The following CREB3L2 variants were observed in gnomAD, a reference collection of about 807,000 sequenced individuals.
CREB3L2 encodes the protein cyclic AMP-responsive element-binding protein 3-like protein 2.
CREB3L2 carries 23 observed loss-of-function variants against 57.2 expected under a neutral mutation model. The observed-to-expected ratio is 0.40, with a 90% confidence interval of 0.29 to 0.57. The LOEUF (loss-of-function observed/expected upper bound fraction) is 0.57, where lower values mean the gene tolerates loss of function less well. CREB3L2 is among the 20% of genes least tolerant of loss of function. CREB3L2 has a pLI of 0.42. For missense variants in CREB3L2, 628 were observed against 634.7 expected (o/e 0.99, Z 0.11); for synonymous variants, 268 against 265.1 (o/e 1.01, Z -0.11).
intron 1 of CREB3L2, among the ~76,000 whole-genome samples, chr7:138,000,020 T>G (rs1425270389): frequency 2.0e-5 from 3 of 152,112 alleles, no homozygotes; most frequent in Non-Finnish European, 4.4e-5. Flanking sequence ...ACGGGTAGCA[T>G]CTCGCACCTT....
At chr7:137,955,584 A>T (rs1475928992) in intron 1 of CREB3L2, among the ~76,000 whole-genome samples, 2 of 152,132 alleles carry the variant, frequency 1.3e-5, no homozygotes, top group East Asian at 3.8e-4. Context: ...TTTAACAGGC[A>T]CCCCTGAAAT....
At chr7:137,907,040 G>A (rs901242421) in intron 5 of CREB3L2, among the ~76,000 whole-genome samples, 2 of 152,204 alleles carry the variant, frequency 1.3e-5, no homozygotes, top group Admixed American at 1.3e-4. Flanking sequence ...TGAGTTGTGT[G>A]ATCAGGAAAC....
chr7:137,894,319 T>C (rs887352466), intron 8 of CREB3L2, among the ~76,000 whole-genome samples: 13 of 152,326 alleles, frequency 8.5e-5, no homozygotes, highest in South Asian at 6.2e-4. Flanking sequence ...GGAGAACTGA[T>C]ACATATATGC....
rs1799173232 is a variant in CREB3L2, at chr7:137,877,180, A to G, written c.*3296T>C. ...ACAAGCTGAACCAAGAGATTTAGGAAGAAAAAAAAAAACATGGTAATTATA... is the reference window on the plus strand; with the variant it reads ...ACAAGCTGAACCAAGAGATTTAGGAGGAAAAAAAAAAACATGGTAATTATA... On this transcript the variant is annotated 3_prime_UTR_variant, in exon 12 of 12. Transcript: ENST00000330387. The G allele has an allele frequency of 4.4e-6, 1 of 228,672 alleles. No homozygotes were observed. Among genetic ancestry groups the G allele is most frequent in the African/African-American group, 2.2e-5 (1 of 45,110 alleles). The allele number at this position is 228,672 out of a possible 1,614,324, so 14.2% of individuals were successfully genotyped here. A position where few individuals can be genotyped will look rare whatever the true frequency, so the allele number is the denominator to read the frequency against.
At chr7:137,996,356 A>G (rs1801988481) in intron 1 of CREB3L2, among the ~76,000 whole-genome samples, 1 of 152,220 alleles carries the variant, frequency 6.6e-6, no homozygotes, top group African/African-American at 2.4e-5. Context: ...AGGGGCGAGA[A>G]TGTTGAAAGG....
rs1799930152 is a variant in CREB3L2, at chr7:137,908,234, T to A, written c.768+18A>T. 4.0e-6 allele frequency: 5 copies of A among 1,253,926 alleles called. No homozygotes were observed. The highest frequency in any genetic ancestry group is 5.1e-6 in the Non-Finnish European group (5 of 990,090). The allele number at this position is 1,253,926 out of a possible 1,614,324, so 77.7% of individuals were successfully genotyped here. A position where few individuals can be genotyped will look rare whatever the true frequency, so the allele number is the denominator to read the frequency against. ...GAGAGGGTTCCCTTTGGTCCAGGAA[T>A]GCCCGCTGCATACTTACATGAGGAG... On this transcript the variant is annotated intron_variant, in intron 5 of 11. Coordinates refer to ENST00000330387, the MANE Select transcript of CREB3L2 (RefSeq NM_194071.4).
chr7:137,890,583 A>AT (rs1799511131), intron 8 of CREB3L2, among the ~76,000 whole-genome samples: 1 of 152,222 alleles, frequency 6.6e-6, no homozygotes, highest in Non-Finnish European at 1.5e-5. Flanking sequence ...AGCTCATGGA[A>AT]TAATGAGAAA....
intron 1 of CREB3L2, among the ~76,000 whole-genome samples, chr7:137,952,510 T>G (rs919975494): frequency 1.3e-5 from 2 of 152,206 alleles, no homozygotes; most frequent in African/African-American, 4.8e-5. Flanking sequence ...TCACTGCATT[T>G]GCCAGTCTGT....
At chr7:137,923,686 T>C (rs1800385402) in intron 2 of CREB3L2, among the ~76,000 whole-genome samples, 2 of 152,366 alleles carry the variant, frequency 1.3e-5, no homozygotes, top group African/African-American at 4.8e-5. Flanking sequence ...CTAAGTCATC[T>C]CTGACTCATC....
At chr7:137,885,541 G>A (rs368511163) in intron 8 of CREB3L2, 39 bp from the exon 9 acceptor site, 2 of 1,497,946 alleles carry the variant, frequency 1.3e-6, no homozygotes, top group African/African-American at 2.8e-5. Context: ...GAGTCTGACA[G>A]AGAAGAGATG....
chr7:137,966,838 A>G (rs539784352), intron 1 of CREB3L2, among the ~76,000 whole-genome samples: 2 of 152,244 alleles, frequency 1.3e-5, no homozygotes, highest in Non-Finnish European at 2.9e-5. Context: ...CTCATTACAC[A>G]TGGATTCTCA....
intron 7 of CREB3L2, among the ~76,000 whole-genome samples, chr7:137,902,194 CAAAAAAAAAA>C (rs58506555): frequency 2.4e-5 from 2 of 84,934 alleles, no homozygotes; most frequent in Non-Finnish European, 4.9e-5. Flanking sequence ...ACTCTGTCTC[CAAAAAAAAAA>C]AAAAAAAAGA....
chr7:137,913,258 T>C (rs1156533180), intron 3 of CREB3L2, among the ~76,000 whole-genome samples, 180 bp from the exon 4 acceptor site: 1 of 152,162 alleles, frequency 6.6e-6, no homozygotes. Flanking sequence ...CTTTTTCTCA[T>C]TGCCAAACTT....
At chr7:137,927,237 G>T (rs1474588642) in intron 2 of CREB3L2, among the ~76,000 whole-genome samples, 3 of 139,222 alleles carry the variant, frequency 2.2e-5, no homozygotes, top group African/African-American at 9.3e-5. Flanking sequence ...AAGGAAGGAA[G>T]GGAGGGAACG....
intron 1 of CREB3L2, among the ~76,000 whole-genome samples, chr7:137,984,973 C>T (rs1415494435): frequency 6.6e-6 from 1 of 152,242 alleles, no homozygotes; most frequent in Non-Finnish European, 1.5e-5. Flanking sequence ...TCTCATTGAA[C>T]TCCATTATCA....
chr7:137,942,161 T>G (rs763526831), intron 1 of CREB3L2, among the ~76,000 whole-genome samples: 2 of 152,250 alleles, frequency 1.3e-5, no homozygotes, highest in African/African-American at 2.4e-5. Flanking sequence ...CCTTTCATCT[T>G]AACCAGCAAT....
At chr7:137,991,418 C>T (rs972111398) in intron 1 of CREB3L2, among the ~76,000 whole-genome samples, 2 of 151,992 alleles carry the variant, frequency 1.3e-5, no homozygotes, top group South Asian at 4.1e-4. Context: ...CCCACCTCAG[C>T]CTCCCAAAGT....
intron 1 of CREB3L2, among the ~76,000 whole-genome samples, chr7:137,939,157 T>A (rs1800840794): frequency 6.6e-6 from 1 of 152,136 alleles, no homozygotes. Context: ...ATAAAAATAA[T>A]GCGAAGAAAA....
At chr7:137,905,901 G>A in intron 5 of CREB3L2, 53 bp from the exon 6 acceptor site, 4 of 1,498,986 alleles carry the variant, frequency 2.7e-6, no homozygotes, top group Non-Finnish European at 3.6e-6. Flanking sequence ...TGGGACCACT[G>A]AAGAATCACC....
Sources: gnomAD v4.1 joint callset for allele counts (sites outside exome capture counted in the v4.1 genomes callset) on GRCh38, gnomAD v4.1.1 for gene constraint, MANE v1.5 for transcripts, NCBI Gene and HGNC (gene_info 2026-07-23, HGNC 2026-07-21) for gene names.